The following CEP128 variants were observed in gnomAD, a reference collection of about 807,000 sequenced individuals.
CEP128 encodes the protein centrosomal protein 128kDa.
Under a neutral mutation model 156.7 loss-of-function variants are expected in CEP128, and 132 were observed. That is an observed-to-expected ratio of 0.84 (90% confidence interval 0.73 to 0.97). The LOEUF (loss-of-function observed/expected upper bound fraction) is 0.97, where lower values mean the gene tolerates loss of function less well. Among genes scored for constraint, CEP128 ranks in the 50% least tolerant of loss-of-function variants. CEP128 has a pLI of 0.00. For missense variants in CEP128, 1,252 were observed against 1,281.9 expected, an observed-to-expected ratio of 0.98 and a Z score of 0.36; for synonymous variants, 469 against 448.9, an observed-to-expected ratio of 1.04 and a Z score of -0.57.
intron 13 of CEP128, among the ~76,000 whole-genome samples, chr14:80,815,007 G>A (rs144838491): frequency 9.7e-4 from 147 of 152,120 alleles, no homozygotes; most frequent in African/African-American, 3.3e-3. Flanking sequence ...GTAGTGAGCC[G>A]AGATTGTGCC....
intron 2 of CEP128, among the ~76,000 whole-genome samples, chr14:80,953,745 T>C (rs1886522766): frequency 6.6e-6 from 1 of 152,192 alleles, no homozygotes; most frequent in African/African-American, 2.4e-5. Flanking sequence ...ACAGTTTTAT[T>C]ACCCACAAAA....
At chr14:80,578,911 T>C (rs1253442144) in intron 20 of CEP128, among the ~76,000 whole-genome samples, 1 of 152,172 alleles carries the variant, frequency 6.6e-6, no homozygotes, top group South Asian at 2.1e-4. Context: ...GACATCATAT[T>C]ACACATTCTC....
rs149584973 is a variant in CEP128, at chr14:80,895,428, A to T, written c.645+290T>A. On this transcript the variant is annotated intron_variant, in intron 8 of 24. Transcript: ENST00000555265. The stretch of plus-strand genomic sequence containing the variant: ...GTAAAACTTAAATTATCTTTCAAAT[A>T]GTCATCATAAACTCTAACCTAGTTA... Among the ~76,000 whole-genome samples, 724 of 152,316 alleles carry T rather than the reference A, an allele frequency of 4.8e-3. 31 individuals are homozygous for T. The highest frequency in any genetic ancestry group is 0.046 in the Admixed American group (698 of 15,284).
At chr14:80,828,364 C>G (rs1275713016) in intron 13 of CEP128, among the ~76,000 whole-genome samples, 1 of 152,122 alleles carries the variant, frequency 6.6e-6, no homozygotes, top group South Asian at 2.1e-4. Context: ...CTCAAGTGAT[C>G]CGCCTGCCTT....
At position 80,526,245 on chromosome 14, in the gene CEP128, G is replaced by A. The variant is rs570909372; in HGVS notation, c.3072+624C>T. Among the ~76,000 whole-genome samples, 3 of 152,206 alleles carry A rather than the reference G, an allele frequency of 2.0e-5. No individual in the cohort carries two copies. The South Asian group carries it at 6.2e-4, about 32-fold the overall frequency. On this transcript the variant is annotated intron_variant, in intron 23 of 24. Coordinates refer to ENST00000555265, the MANE Select transcript of CEP128 (RefSeq NM_152446.5). The stretch of plus-strand genomic sequence containing the variant: ...TGAATTAACTGGCCCCAAATATCAA[G>A]AATGCCAAGGCTGAGAAACTCTGCT...
intron 19 of CEP128, among the ~76,000 whole-genome samples, chr14:80,609,746 T>C (rs1196271405): frequency 2.6e-5 from 4 of 152,064 alleles, no homozygotes; most frequent in Non-Finnish European, 5.9e-5. Context: ...AATCAGTCCG[T>C]TTGGAAAGAA....
intron 9 of CEP128, among the ~76,000 whole-genome samples, chr14:80,852,865 C>T (rs1431124875): frequency 6.6e-6 from 1 of 151,624 alleles, no homozygotes; most frequent in Non-Finnish European, 1.5e-5. Flanking sequence ...GCAAGGAAAA[C>T]TAATCTCAAT....
intron 14 of CEP128, among the ~76,000 whole-genome samples, chr14:80,790,894 TTAAG>T (rs1901672035): frequency 6.6e-6 from 1 of 152,104 alleles, no homozygotes; most frequent in Admixed American, 6.5e-5. Flanking sequence ...AGGCTACTTA[TTAAG>T]TAATTTATTC....
At chr14:80,946,322 T>TCATGATGATGCCTCATGAG (rs1886342599), upstream of CEP128, among the ~76,000 whole-genome samples, 1 of 66,232 alleles carries the variant, frequency 1.5e-5, no homozygotes, top group African/African-American at 5.9e-5. Flanking sequence ...TGCCTCATGA[T>TCATGATGATGCCTCATGAG]GCATCATGAT....
intron 19 of CEP128, among the ~76,000 whole-genome samples, chr14:80,657,115 A>G (rs1237394881): frequency 6.6e-6 from 1 of 151,912 alleles, no homozygotes; most frequent in Non-Finnish European, 1.5e-5. Context: ...AAAATTAGCC[A>G]TGCATGGTGG....
intron 2 of CEP128, among the ~76,000 whole-genome samples, chr14:80,948,296 T>G (rs747383576): frequency 2.0e-4 from 31 of 152,212 alleles, no homozygotes; most frequent in Admixed American, 5.9e-4. Context: ...TGCCTACTAC[T>G]CAAAGAATCA....
intron 19 of CEP128, among the ~76,000 whole-genome samples, chr14:80,628,605 G>A (rs574706352): frequency 2.6e-5 from 4 of 152,034 alleles, no homozygotes; most frequent in South Asian, 4.2e-4. Context: ...TCCCTCTCTC[G>A]CAATATGAAG....
At chr14:80,911,122 G>A (rs1427638550) in intron 4 of CEP128, among the ~76,000 whole-genome samples, 1 of 152,124 alleles carries the variant, frequency 6.6e-6, no homozygotes, top group East Asian at 1.9e-4. Flanking sequence ...CAAAAGGATT[G>A]ACTACACTCC....
At chr14:80,767,762 C>T (rs1404184595) in intron 16 of CEP128, among the ~76,000 whole-genome samples, 1 of 152,084 alleles carries the variant, frequency 6.6e-6, no homozygotes, top group African/African-American at 2.4e-5. Context: ...CTTAGTAAAA[C>T]AATAGAGCTA....
chr14:80,637,073 C>T (rs916890060), intron 19 of CEP128, among the ~76,000 whole-genome samples: 1 of 147,548 alleles, frequency 6.8e-6, no homozygotes, highest in Admixed American at 6.8e-5. Context: ...ACATCAAGAG[C>T]GAAACTCCGT....
chr14:80,522,903 C>T (rs140495939), intron 23 of CEP128, among the ~76,000 whole-genome samples: 13 of 152,304 alleles, frequency 8.5e-5, no homozygotes, highest in Admixed American at 4.6e-4. Flanking sequence ...TTAGATCAGG[C>T]GTTGTCCAGT....
chr14:80,796,980 T>C (rs1343340418), intron 13 of CEP128, among the ~76,000 whole-genome samples: 1 of 152,174 alleles, frequency 6.6e-6, no homozygotes, highest in East Asian at 1.9e-4. Flanking sequence ...ATTTTAATAG[T>C]GAGCAGATCT....
chr14:80,939,176 T>G (rs1259489640), intron 2 of CEP128, among the ~76,000 whole-genome samples: 1 of 152,238 alleles, frequency 6.6e-6, no homozygotes, highest in Admixed American at 6.5e-5. Flanking sequence ...GTTGCTTTTG[T>G]TAAGGTTATA....
At chr14:80,908,117 C>T in intron 4 of CEP128, among the ~76,000 whole-genome samples, 1 of 152,010 alleles carries the variant, frequency 6.6e-6, no homozygotes, top group East Asian at 1.9e-4. Flanking sequence ...TTAAGATTTT[C>T]TCTTTACTTT....
Sources: gnomAD v4.1 joint callset for allele counts (sites outside exome capture counted in the v4.1 genomes callset) on GRCh38, gnomAD v4.1.1 for gene constraint, MANE v1.5 for transcripts, NCBI Gene and HGNC (gene_info 2026-07-23, HGNC 2026-07-21) for gene names.